Variants in DPP6 observed in about 807,000 individuals in gnomAD.
DPP6 encodes the protein A-type potassium channel modulatory protein DPP6.
A neutral mutation model predicts 122.6 loss-of-function variants in DPP6; 69 were observed. The ratio of observed to expected loss-of-function variants is 0.56; its 90% CI spans 0.46 to 0.69. The LOEUF is 0.69. DPP6 is among the 30% of genes least tolerant of loss of function. DPP6 has a pLI of 0.00. For synonymous variants in DPP6, 418 were observed against 433.1 expected (o/e 0.97, Z 0.43); for missense variants, 928 against 1,116.9 (o/e 0.83, Z 2.41).
chr7:154,341,009 A>C (rs1193930241), intron 1 of DPP6, among the ~76,000 whole-genome samples: 1 of 152,226 alleles, frequency 6.6e-6, no homozygotes, highest in Non-Finnish European at 1.5e-5. Context: ...AAATTGAATT[A>C]TTATAACATA....
intron 1 of DPP6, among the ~76,000 whole-genome samples, chr7:153,934,200 C>T (rs1201437536): frequency 1.3e-5 from 2 of 152,134 alleles, no homozygotes; most frequent in Admixed American, 1.3e-4. Context: ...CCCTGTGGGG[C>T]CTGGCGACAG....
intron 5 of DPP6, among the ~76,000 whole-genome samples, chr7:154,619,749 A>G: frequency 6.6e-6 from 1 of 151,992 alleles, no homozygotes; most frequent in East Asian, 1.9e-4. Context: ...ATTATACGTT[A>G]TACTTAGAAG....
chr7:154,075,356 C>T (rs1296731655), intron 1 of DPP6, among the ~76,000 whole-genome samples: 2 of 151,798 alleles, frequency 1.3e-5, no homozygotes, highest in South Asian at 2.1e-4. Context: ...GACACTTGCA[C>T]GCACGCCTAT....
At chr7:154,114,752 C>A (rs953984266) in intron 1 of DPP6, among the ~76,000 whole-genome samples, 3 of 152,168 alleles carry the variant, frequency 2.0e-5, no homozygotes, top group Admixed American at 2.0e-4. Context: ...TAGAGTTCCA[C>A]TTTTGGAAGT....
chr7:154,558,064 A>G (rs1830167445), intron 4 of DPP6, among the ~76,000 whole-genome samples: 1 of 151,990 alleles, frequency 6.6e-6, no homozygotes, highest in African/African-American at 2.4e-5. Flanking sequence ...CATCACCTAC[A>G]TTAGGGATTT....
intron 1 of DPP6, among the ~76,000 whole-genome samples, chr7:154,044,351 A>G (rs554312752): frequency 1.8e-4 from 28 of 152,306 alleles, no homozygotes; most frequent in African/African-American, 6.7e-4. Flanking sequence ...CACAAGAAGC[A>G]GATACATGGT....
intron 5 of DPP6, among the ~76,000 whole-genome samples, chr7:154,611,607 A>G (rs1833914035): frequency 6.6e-6 from 1 of 152,078 alleles, no homozygotes; most frequent in African/African-American, 2.4e-5. Context: ...GTTTCTAACA[A>G]TGAGACTTCT....
chr7:154,332,220 T>C (rs1322548768), intron 1 of DPP6, among the ~76,000 whole-genome samples: 1 of 152,044 alleles, frequency 6.6e-6, no homozygotes, highest in East Asian at 1.9e-4. Context: ...TACAGGCACA[T>C]GCCACCACGC....
chr7:154,240,485 C>T lies in DPP6; in HGVS notation c.243+187422C>T, dbSNP rs188402245. On this transcript the variant is annotated intron_variant, in intron 1 of 25. Coordinates refer to ENST00000377770, the MANE Select transcript of DPP6 (RefSeq NM_130797.4). The stretch of plus-strand genomic sequence containing the variant: ...GAATAGAAAATGACCACTAAGTTCT[C>T]CATCTTCCATCCCATGCCTCAGCCA... Among the ~76,000 whole-genome samples the T allele has an allele frequency of 1.4e-4, 21 of 152,288 alleles. No homozygotes were observed. The East Asian group carries it at 3.3e-3, about 24-fold the overall frequency.
chr7:154,682,455 G>A (rs1273093592), intron 7 of DPP6, among the ~76,000 whole-genome samples: 2 of 152,240 alleles, frequency 1.3e-5, no homozygotes, highest in African/African-American at 2.4e-5. Flanking sequence ...TCGTGGGCTT[G>A]TGCCCCTCAC....
At chr7:154,278,274 T>C (rs1006018277) in intron 1 of DPP6, among the ~76,000 whole-genome samples, 1 of 152,150 alleles carries the variant, frequency 6.6e-6, no homozygotes, top group East Asian at 1.9e-4. Flanking sequence ...GTCAAAAAAA[T>C]CTAACTCAGA....
the DPP6 span, among the ~76,000 whole-genome samples, chr7:153,783,428 C>T: frequency 6.6e-6 from 1 of 152,138 alleles, no homozygotes; most frequent in Non-Finnish European, 1.5e-5. Flanking sequence ...GAACCACACC[C>T]ATAATTCAAT....
chr7:154,624,148 T>C lies in DPP6; in HGVS notation c.628-13673T>C, dbSNP rs1268997047. 1.3e-5 allele frequency among the ~76,000 whole-genome samples: 2 copies of C among 152,006 alleles called. No homozygotes were observed. Among genetic ancestry groups the C allele is most frequent in the Non-Finnish European group, 2.9e-5 (2 of 68,000 alleles). ...TTCAAGACCAGCCTGGCCAAAATGG[T>C]GAAACCCTGTCTCTACTAAAAATAC... On this transcript the variant is annotated intron_variant, in intron 5 of 25. Coordinates refer to ENST00000377770, the MANE Select transcript of DPP6 (RefSeq NM_130797.4). The surrounding 1 kb of genome is among the most constrained non-coding windows in gnomAD (Gnocchi z 4.7).
At chr7:153,762,775 C>T in the DPP6 span, among the ~76,000 whole-genome samples, 1 of 151,832 alleles carries the variant, frequency 6.6e-6, no homozygotes, top group African/African-American at 2.4e-5. Context: ...AGCGAAACTC[C>T]ATCTCAAAAA....
chr7:154,876,578 C>G (rs1470296357), intron 20 of DPP6, among the ~76,000 whole-genome samples: 1 of 152,210 alleles, frequency 6.6e-6, no homozygotes, highest in Non-Finnish European at 1.5e-5. Context: ...GAATGCCCTT[C>G]CCGGCTCTGA....
At chr7:154,311,354 G>A (rs114590978) in intron 1 of DPP6, among the ~76,000 whole-genome samples, 170 of 152,170 alleles carry the variant, frequency 1.1e-3, no homozygotes, top group African/African-American at 3.8e-3. Flanking sequence ...TTATCCAGGC[G>A]TGGTGGTGGC....
At chr7:154,290,464 G>T (rs1221486296) in intron 1 of DPP6, among the ~76,000 whole-genome samples, 4 of 151,494 alleles carry the variant, frequency 2.6e-5, no homozygotes. Context: ...CTGAGCCTTC[G>T]CCCTGCTCCC....
At chr7:154,861,252 T>C (rs1332225420) in intron 17 of DPP6, among the ~76,000 whole-genome samples, 1 of 152,150 alleles carries the variant, frequency 6.6e-6, no homozygotes, top group African/African-American at 2.4e-5. Context: ...CTAAGATAAT[T>C]TTTGAAAAAT....
chr7:154,096,935 G>T (rs1232062787), intron 1 of DPP6, among the ~76,000 whole-genome samples: 1 of 152,166 alleles, frequency 6.6e-6, no homozygotes, highest in Non-Finnish European at 1.5e-5. Context: ...ATGTAGCAAG[G>T]CTGGCTCAAG....
Sources: gnomAD v4.1 joint callset for allele counts (sites outside exome capture counted in the v4.1 genomes callset) on GRCh38, gnomAD v4.1.1 for gene constraint, Gnocchi (gnomAD v3.1) non-coding constraint, MANE v1.5 for transcripts, NCBI Gene and HGNC (gene_info 2026-07-23, HGNC 2026-07-21) for gene names.